The following ACE variants were observed in gnomAD, a reference collection of about 807,000 sequenced individuals.
ACE encodes the protein angiotensin I converting enzyme, also known as angiotensin-converting enzyme.
Under a neutral mutation model 162.3 loss-of-function variants are expected in ACE, and 122 were observed. The observed-to-expected ratio is 0.75, with a 90% CI of 0.65 to 0.87. The LOEUF (loss-of-function observed/expected upper bound fraction) is 0.87, where lower values mean the gene tolerates loss of function less well. Ranked by LOEUF, ACE falls within the 40% of genes least tolerant of loss-of-function variation. The pLI is 0.00. For missense variants in ACE, 1,799 were observed against 1,735.1 expected (o/e 1.04, Z -0.65); for synonymous variants, 796 against 720.6 (o/e 1.10, Z -1.68).
intron 3 of ACE, 107 bp from the exon 4 acceptor site, chr17:63,479,662 T>C (rs1228834597): frequency 2.7e-6 from 4 of 1,481,140 alleles, no homozygotes; most frequent in Non-Finnish European, 3.7e-6. Context: ...CACCGTGATG[T>C]TCAGGAAGCT....
chr17:63,477,119 G>C lies in ACE; in HGVS notation c.25G>C (p.Gly9Arg), dbSNP rs1320210312. The change falls in exon 1 of 25, where the codon GGG becomes CGG. Residue 9 changes from glycine (G) to arginine (R), a missense_variant. By Grantham distance (125) the Gly-to-Arg change is moderately radical. Transcript: ENST00000290866. MGAASGRR[G>R]PGLLLPLPLL... ...CATGGGGGCCGCCTCGGGCCGCCGG[G>C]GGCCGGGGCTGCTGCTGCCGCTGCC... The C allele has an allele frequency of 7.4e-7, 1 of 1,347,664 alleles. No homozygotes were observed. Among genetic ancestry groups the C allele is most frequent in the African/African-American group, 1.5e-5 (1 of 64,758 alleles). 83.5% of individuals were successfully genotyped at this position (1,347,664 alleles called of 1,614,324 possible).
At chr17:63,496,302 A>G in intron 22 of ACE, 92 bp from the exon 23 acceptor site, 1 of 1,594,758 alleles carries the variant, frequency 6.3e-7, no homozygotes, top group Non-Finnish European at 8.6e-7. Context: ...GACTTAGCAC[A>G]CATCACATGT....
chr17:63,478,660 C>G (rs1442365810), intron 2 of ACE: 1 of 386,806 alleles, frequency 2.6e-6, no homozygotes, highest in African/African-American at 2.1e-5. Flanking sequence ...GAGACCTCCC[C>G]CCAAAAAAAA....
At chr17:63,481,473 C>G in intron 6 of ACE, 93 bp from the exon 7 acceptor site, 1 of 1,399,042 alleles carries the variant, frequency 7.1e-7, no homozygotes, top group Non-Finnish European at 9.9e-7. Context: ...AGCTTTCATG[C>G]ACAGGGAGTT....
chr17:63,496,470 C>T lies in ACE; in HGVS notation c.3457C>T (p.His1153Tyr). The T allele has an allele frequency of 2.5e-6, 4 of 1,614,220 alleles. No homozygotes were observed. The highest frequency in any genetic ancestry group is 2.2e-5 in the East Asian group (1 of 44,886). The part of the protein sequence containing the change: ...CQAAGHTGPL[H>Y]KCDIYQSKEA... Reference sequence around the variant, plus strand: ...GGCAGCTGGCCACACGGGCCCCCTGCACAAGTGTGACATCTACCAGTCCAA... The same window carrying T: ...GGCAGCTGGCCACACGGGCCCCCTGTACAAGTGTGACATCTACCAGTCCAA... The change falls in exon 23 of 25, where the codon CAC becomes TAC. Residue 1153 changes from histidine (H) to tyrosine (Y), a missense_variant. His to Tyr is a moderately conservative substitution (Grantham distance 83). Coordinates refer to ENST00000290866, the MANE Select transcript of ACE (RefSeq NM_000789.4).
At chr17:63,495,412 T>G (rs1030229920) in intron 22 of ACE, among the ~76,000 whole-genome samples, 2 of 152,162 alleles carry the variant, frequency 1.3e-5, no homozygotes, top group African/African-American at 4.8e-5. Context: ...CTCCCGTGGT[T>G]CCTGGAAGCC....
In ACE at chr17:63,482,576, G is replaced by A. The variant is rs145172277; in HGVS notation, c.1229G>A (p.Arg410Gln). Residue 410 changes from arginine to glutamine, a missense_variant, in exon 8 of 25, where the codon CGG (arginine) becomes CAG (glutamine). Physicochemically the swap from Arg to Gln is conservative, Grantham distance 43. Coordinates refer to ENST00000290866, the MANE Select transcript of ACE (RefSeq NM_000789.4). ...QYKDLPVSLR[R>Q]GANPGFHEAI... is the part of the protein sequence containing the mutation. The stretch of plus-strand genomic sequence containing the variant: ...AAGGATCTGCCCGTCTCCCTGCGTC[G>A]GGGGGCCAACCCCGGCTTCCATGAG... 1.5e-4 allele frequency: 243 copies of A among 1,611,298 alleles called. No homozygotes were observed. The African/African-American group carries it at 1.9e-3, about 13-fold the overall frequency.
At chr17:63,482,396 T>C (rs2049724809) in intron 7 of ACE, 70 bp from the exon 8 acceptor site, 1 of 1,422,856 alleles carries the variant, frequency 7.0e-7, no homozygotes, top group East Asian at 2.4e-5. Context: ...GGTGCCAATC[T>C]GCCCTGTGCC....
rs1290510648 is a variant in ACE at position 63,497,958 on chromosome 17, A to AG, written c.*596dup. On this transcript the variant is annotated 3_prime_UTR_variant, in exon 25 of 25. Coordinates refer to ENST00000290866, the MANE Select transcript of ACE (RefSeq NM_000789.4). ...GCTCCACAAATGGCCAGGTCCCCCC[A>AG]GGGGAAGGCTTCCGGCTGTTATCGG... is the stretch of plus-strand genomic sequence containing the variant. 2 of 200,544 alleles carry AG rather than the reference A, an allele frequency of 1.0e-5. No homozygotes were observed. The highest frequency in any genetic ancestry group is 5.2e-5 in the African/African-American group (2 of 38,590). The allele number at this position is 200,544 out of a possible 1,614,324, so 12.4% of individuals were successfully genotyped here.
intron 3 of ACE, 129 bp downstream of exon 3, chr17:63,479,229 C>A: frequency 1.3e-6 from 1 of 795,164 alleles, no homozygotes; most frequent in South Asian, 1.5e-5. Flanking sequence ...TGCCCTCCAA[C>A]TGGGGCTGGA....
rs1000292458 is a variant in ACE, at chr17:63,482,734, C to T, written c.1342+45C>T. 1.1e-5 allele frequency: 18 copies of T among 1,575,596 alleles called. No individual in the cohort carries two copies. The East Asian group carries it at 1.3e-4, about 12-fold the overall frequency. On this transcript the variant is annotated intron_variant, in intron 8 of 24. Transcript: ENST00000290866. ...CCCCCACCCAGCCTCACCTAAACCC[C>T]GCTCCACCCCACAGCAGGACCTCAC...
At position 63,481,881 on chromosome 17, in the gene ACE, G is replaced by A. The variant is rs937479324; in HGVS notation, c.1118+143G>A. 3.8e-6 allele frequency: 4 copies of A among 1,052,994 alleles called. No homozygotes were observed. The African/African-American group carries it at 4.7e-5, about 12-fold the overall frequency. The allele number at this position is 1,052,994 out of a possible 1,614,324, so 65.2% of individuals were successfully genotyped here. A position where few individuals can be genotyped will look rare whatever the true frequency, so the allele number is the denominator to read the frequency against. ...TGGTTGGAGGCTGGGTCTGTTCCAG[G>A]GCTAGGGGGTATAGGAGGCCTATTA... is the stretch of plus-strand genomic sequence containing the variant. On this transcript the variant is annotated intron_variant, in intron 7 of 24. Transcript: ENST00000290866.
intron 15 of ACE, among the ~76,000 whole-genome samples, chr17:63,487,367 A>G (rs2030028258): frequency 6.6e-6 from 1 of 151,914 alleles, no homozygotes; most frequent in Non-Finnish European, 1.5e-5. Context: ...GGGATCTCAA[A>G]GTTATATTTC....
At chr17:63,493,145 G>A (rs2030491957) in intron 19 of ACE, among the ~76,000 whole-genome samples, 1 of 152,226 alleles carries the variant, frequency 6.6e-6, no homozygotes, top group Non-Finnish European at 1.5e-5. Flanking sequence ...TGCCTCTAGA[G>A]CAAGCACTTT....
intron 19 of ACE, among the ~76,000 whole-genome samples, chr17:63,492,127 G>A (rs564932257): frequency 2.8e-4 from 43 of 152,262 alleles, no homozygotes; most frequent in Non-Finnish European, 4.3e-4. Context: ...TGGCTGGAAC[G>A]GCTGGAGGTG....
chr17:63,486,893 C>T (rs572411564), intron 14 of ACE, 93 bp from the exon 15 acceptor site: 5 of 1,477,988 alleles, frequency 3.4e-6, no homozygotes, highest in South Asian at 1.1e-5. Flanking sequence ...CCTGGCTCCC[C>T]ACCTGCCAGC....
chr17:63,477,224 GC>G lies in ACE; in HGVS notation c.132del (p.Ala46ArgfsTer99). The G allele has an allele frequency of 6.7e-7, 1 of 1,499,924 alleles. No homozygotes were observed. Among genetic ancestry groups the G allele is most frequent in the Non-Finnish European group, 8.9e-7 (1 of 1,128,318 alleles). The allele number at this position is 1,499,924 out of a possible 1,614,324, so 92.9% of individuals were successfully genotyped here. A position where few individuals can be genotyped will look rare whatever the true frequency, so the allele number is the denominator to read the frequency against. On this transcript the variant is annotated frameshift_variant, in exon 1 of 25. Transcript: ENST00000290866. LOFTEE classifies it high-confidence loss of function. ...LQPGNFSADE[A>X]GAQLFAQSYN... The stretch of plus-strand genomic sequence containing the variant: ...GCCCGGCAACTTTTCTGCTGACGAG[GC>G]CGGGGCGCAGCTCTTCGCGCAGAGC...
chr17:63,482,424 T>C, intron 7 of ACE, 42 bp from the exon 8 acceptor site: 1 of 1,583,848 alleles, frequency 6.3e-7, no homozygotes, highest in Admixed American at 1.7e-5. Flanking sequence ...TGCCCTGTTC[T>C]GTCCATCCGT....
intron 15 of ACE, 90 bp from the exon 16 acceptor site, chr17:63,488,558 A>G (rs752140837): frequency 1.3e-6 from 2 of 1,487,894 alleles, no homozygotes; most frequent in Non-Finnish European, 1.8e-6. Flanking sequence ...GGTTTCGCCA[A>G]TTTTATTCCA....
Sources: allele counts gnomAD v4.1 joint callset (sites outside exome capture counted in the v4.1 genomes callset), GRCh38; gene constraint gnomAD v4.1.1; transcripts MANE v1.5; gene names NCBI Gene and HGNC (gene_info 2026-07-23, HGNC 2026-07-21).